CDH18: variants seen among roughly 807,000 people sequenced by gnomAD.
CDH18 encodes the protein cadherin 18, also known as cadherin-18.
Under a neutral mutation model 67.9 loss-of-function variants are expected in CDH18, and 31 were observed. The ratio of observed to expected loss-of-function variants is 0.46; its 90% confidence interval spans 0.34 to 0.62. The LOEUF (loss-of-function observed/expected upper bound fraction) is 0.62, where lower values mean the gene tolerates loss of function less well. CDH18 is among the 20% of genes least tolerant of loss of function. The pLI is 0.01. For missense variants in CDH18, 890 were observed against 975.5 expected, an observed-to-expected ratio of 0.91 and a Z score of 1.17; for synonymous variants, 362 against 347.2, an observed-to-expected ratio of 1.04 and a Z score of -0.48.
At chr5:19,524,228 T>C (rs1187457565) in intron 9 of CDH18, among the ~76,000 whole-genome samples, 2 of 150,916 alleles carry the variant, frequency 1.3e-5, no homozygotes, top group Non-Finnish European at 3.0e-5. Context: ...AATACCTTCA[T>C]ATATAATTTA....
At chr5:19,590,856 T>G (rs1037879139) in intron 7 of CDH18, among the ~76,000 whole-genome samples, 9 of 152,008 alleles carry the variant, frequency 5.9e-5, no homozygotes, top group African/African-American at 2.2e-4. Context: ...CATCAGATCT[T>G]CCCACCGCAG....
At chr5:20,154,370 T>C (rs1297870852) in intron 2 of CDH18, among the ~76,000 whole-genome samples, 4 of 152,176 alleles carry the variant, frequency 2.6e-5, no homozygotes, top group South Asian at 2.1e-4. Context: ...TAAGCCAATA[T>C]TTACTTTTAT....
At chr5:20,134,241 G>T (rs1047978991) in intron 2 of CDH18, among the ~76,000 whole-genome samples, 10 of 152,106 alleles carry the variant, frequency 6.6e-5, no homozygotes, top group African/African-American at 2.4e-4. Context: ...CTCCTAAAGT[G>T]CTGATATTAC....
At chr5:19,880,054 G>A (rs1264339594) in intron 2 of CDH18, among the ~76,000 whole-genome samples, 1 of 151,906 alleles carries the variant, frequency 6.6e-6, no homozygotes, top group African/African-American at 2.4e-5. Flanking sequence ...TGACATTGTA[G>A]AAATAATATG....
chr5:19,619,349 A>G (rs1414287401), intron 5 of CDH18, among the ~76,000 whole-genome samples: 1 of 152,220 alleles, frequency 6.6e-6, no homozygotes, highest in African/African-American at 2.4e-5. Flanking sequence ...AGTAATACAG[A>G]AAACATTTTA....
At chr5:20,319,934 T>G (rs1315117262) in intron 1 of CDH18, among the ~76,000 whole-genome samples, 1 of 152,224 alleles carries the variant, frequency 6.6e-6, no homozygotes, top group East Asian at 1.9e-4. Flanking sequence ...TTAATTAACC[T>G]GATAAATACC....
At chr5:19,718,913 T>G (rs1044506297) in intron 5 of CDH18, among the ~76,000 whole-genome samples, 1 of 152,052 alleles carries the variant, frequency 6.6e-6, no homozygotes, top group Admixed American at 6.6e-5. Flanking sequence ...TCACTTAAAC[T>G]ATAATATATG....
At position 19,798,267 on chromosome 5, in the gene CDH18, A is replaced by G. The variant is rs543885334; in HGVS notation, c.228+40492T>C. ...TCAAGGATAACATCCTGGTTCTAAT[A>G]TCAAACTCTTAAAATCTAGTTGTGA... On this transcript the variant is annotated intron_variant, in intron 3 of 12. Transcript: ENST00000382275. Among the ~76,000 whole-genome samples, 3 of 152,232 alleles carry G rather than the reference A, an allele frequency of 2.0e-5. No homozygotes were observed. The South Asian group carries it at 6.2e-4, about 31-fold the overall frequency.
At chr5:20,272,834 G>A (rs1380267132) in intron 1 of CDH18, among the ~76,000 whole-genome samples, 2 of 151,898 alleles carry the variant, frequency 1.3e-5, no homozygotes, top group African/African-American at 2.4e-5. Flanking sequence ...AGGATTTCTA[G>A]GAAATCATGA....
rs77847841 is a variant in CDH18 at position 20,434,903 on chromosome 5, G to A, written c.-580+140559C>T. Among the ~76,000 whole-genome samples the A allele has an allele frequency of 3.9e-3, 586 of 152,152 alleles. 3 individuals carry two copies. The highest frequency in any genetic ancestry group is 0.013 in the African/African-American group (558 of 41,544). ...GACAACTACAAGTATGTGACTAGAAGCAGTTGGATCTTGCAGCAAGCAGTC... is the reference window on the plus strand; with the variant it reads ...GACAACTACAAGTATGTGACTAGAAACAGTTGGATCTTGCAGCAAGCAGTC... On this transcript the variant is annotated intron_variant, in intron 1 of 14. Coordinates refer to the CDH18 transcript ENST00000507958.
intron 2 of CDH18, among the ~76,000 whole-genome samples, chr5:20,155,307 A>T (rs1446277905): frequency 6.6e-6 from 1 of 152,132 alleles, no homozygotes; most frequent in Non-Finnish European, 1.5e-5. Context: ...TGTTAAACTG[A>T]AATACACGTA....
At chr5:20,421,498 G>C (rs544154590) in intron 1 of CDH18, among the ~76,000 whole-genome samples, 1 of 150,848 alleles carries the variant, frequency 6.6e-6, no homozygotes, top group Non-Finnish European at 1.5e-5. Flanking sequence ...TTACGAGTAA[G>C]TGCTGAAATG....
intron 2 of CDH18, among the ~76,000 whole-genome samples, chr5:20,097,551 G>T (rs1022418129): frequency 1.3e-5 from 2 of 152,106 alleles, no homozygotes; most frequent in Admixed American, 6.6e-5. Flanking sequence ...ACAATTCCAG[G>T]TAAGATTTGG....
intron 1 of CDH18, among the ~76,000 whole-genome samples, chr5:20,539,499 G>A (rs776277453): frequency 4.6e-5 from 7 of 151,938 alleles, no homozygotes; most frequent in Admixed American, 1.3e-4. Context: ...AAGACCGTAC[G>A]CAATATATTT....
At chr5:19,813,897 G>T (rs1337210801) in intron 3 of CDH18, among the ~76,000 whole-genome samples, 1 of 151,396 alleles carries the variant, frequency 6.6e-6, no homozygotes, top group Non-Finnish European at 1.5e-5. Flanking sequence ...CTTTTTTTTG[G>T]AAGCTTTCAC....
chr5:20,179,261 AT>A (rs1737492450), intron 2 of CDH18, among the ~76,000 whole-genome samples: 1 of 152,102 alleles, frequency 6.6e-6, no homozygotes, highest in African/African-American at 2.4e-5. Flanking sequence ...TGCAAGAAAA[AT>A]TTTATTACCT....
chr5:20,065,178 G>A (rs10072530), intron 2 of CDH18, among the ~76,000 whole-genome samples: 5,338 of 151,694 alleles, frequency 0.035, 310 homozygotes, highest in African/African-American at 0.12. Context: ...TATAAGTTAA[G>A]TTTAAAAAAA....
intron 3 of CDH18, among the ~76,000 whole-genome samples, chr5:19,752,069 G>C (rs138532432): frequency 9.2e-5 from 14 of 152,214 alleles, no homozygotes; most frequent in Admixed American, 2.0e-4. Context: ...ACCCCCACTG[G>C]GGAAACTGAA....
At chr5:20,154,114 G>A (rs974489436) in intron 2 of CDH18, among the ~76,000 whole-genome samples, 2 of 152,094 alleles carry the variant, frequency 1.3e-5, no homozygotes, top group African/African-American at 4.8e-5. Context: ...ACTATTGCCA[G>A]TACTCTTAAC....
Sources: allele counts gnomAD v4.1 joint callset (sites outside exome capture counted in the v4.1 genomes callset), GRCh38; gene constraint gnomAD v4.1.1; transcripts MANE v1.5; gene names NCBI Gene and HGNC (gene_info 2026-07-23, HGNC 2026-07-21).